EBF1: variants seen among roughly 807,000 people sequenced by gnomAD.
EBF1 encodes EBF transcription factor 1, also known as transcription factor COE1.
A neutral mutation model predicts 68.4 loss-of-function variants in EBF1; 10 were observed. That is an observed-to-expected ratio of 0.15 (90% CI 0.09 to 0.25). EBF1 has a LOEUF of 0.25. Ranked by LOEUF, EBF1 falls within the 10% of genes least tolerant of loss-of-function variation. The pLI is 1.00. For synonymous variants in EBF1, 298 were observed against 299.8 expected, an observed-to-expected ratio of 0.99 and a Z score of 0.06; for missense variants, 509 against 794.4, an observed-to-expected ratio of 0.64 and a Z score of 4.32.
chr5:158,953,346 G>A (rs571321643), intron 6 of EBF1, among the ~76,000 whole-genome samples: 8 of 152,154 alleles, frequency 5.3e-5, no homozygotes, highest in African/African-American at 1.2e-4. Context: ...ATGACAGGCC[G>A]CGATTTTGCA....
intron 6 of EBF1, among the ~76,000 whole-genome samples, chr5:158,944,913 G>A (rs1391181227): frequency 6.6e-6 from 1 of 152,156 alleles, no homozygotes; most frequent in African/African-American, 2.4e-5. Context: ...TTTTGATGGG[G>A]TTGTTGGTTT....
chr5:158,745,977 G>A (rs1367867844), intron 10 of EBF1, among the ~76,000 whole-genome samples: 6 of 152,156 alleles, frequency 3.9e-5, no homozygotes, highest in Non-Finnish European at 7.4e-5. Flanking sequence ...GAGAGGCTTA[G>A]CTAAAGTTAT....
intron 10 of EBF1, among the ~76,000 whole-genome samples, chr5:158,764,597 C>A (rs930870907): frequency 1.3e-5 from 2 of 152,168 alleles, no homozygotes; most frequent in African/African-American, 4.8e-5. Context: ...ACAGGCTACA[C>A]ACAAGGAAGC....
chr5:158,815,211 C>T (rs1176830404), intron 8 of EBF1, among the ~76,000 whole-genome samples: 1 of 152,160 alleles, frequency 6.6e-6, no homozygotes, highest in Non-Finnish European at 1.5e-5. Flanking sequence ...TTGGTTTTCT[C>T]CTCTTTACAA....
chr5:159,061,761 A>G (rs1013441622), intron 6 of EBF1, among the ~76,000 whole-genome samples: 18 of 151,970 alleles, frequency 1.2e-4, no homozygotes, highest in Admixed American at 9.8e-4. Context: ...AATCCTAAAT[A>G]AAATAGCCGC....
chr5:159,071,484 GT>G (rs1164208353), intron 6 of EBF1, among the ~76,000 whole-genome samples: 7 of 152,206 alleles, frequency 4.6e-5, no homozygotes, highest in Non-Finnish European at 1.0e-4. Flanking sequence ...AAGGTTTTAA[GT>G]ACCCTTCTGG....
At chr5:158,905,344 T>C (rs778321781) in intron 6 of EBF1, among the ~76,000 whole-genome samples, 6 of 152,178 alleles carry the variant, frequency 3.9e-5, no homozygotes, top group Non-Finnish European at 8.8e-5. Flanking sequence ...TTGAGGAATA[T>C]TGACCATTAT....
At chr5:158,938,958 AT>A (rs1812674009) in intron 6 of EBF1, among the ~76,000 whole-genome samples, 1 of 152,154 alleles carries the variant, frequency 6.6e-6, no homozygotes, top group Non-Finnish European at 1.5e-5. Flanking sequence ...GACATCCTGG[AT>A]TTAAGTATGG....
chr5:158,916,751 G>A (rs1006654980), intron 6 of EBF1, among the ~76,000 whole-genome samples: 1 of 152,140 alleles, frequency 6.6e-6, no homozygotes, highest in African/African-American at 2.4e-5. Context: ...TCATGCTATA[G>A]TTTCCCTCAC....
chr5:158,770,351 A>G (rs1365357583), intron 10 of EBF1, among the ~76,000 whole-genome samples: 1 of 152,074 alleles, frequency 6.6e-6, no homozygotes, highest in African/African-American at 2.4e-5. Context: ...TTCCCAGACT[A>G]CTGCAATGAC....
rs148508527 is a variant in EBF1 at position 158,823,304 on chromosome 5, G to A, written c.650C>T (p.Thr217Met). The A allele has an allele frequency of 2.1e-5, 34 of 1,612,662 alleles. No homozygotes were observed. Among genetic ancestry groups the A allele is most frequent in the Middle Eastern group, 1.6e-4 (1 of 6,070 alleles). ...GACATGGCCATCCACATTGACTGTCGTAGACACCACGACCTGGAGACATAA... is the reference window on the plus strand; with the variant it reads ...GACATGGCCATCCACATTGACTGTCATAGACACCACGACCTGGAGACATAA... ...DMRRFQVVVS[T>M]TVNVDGHVLA... Residue 217 changes from threonine (T) to methionine (M), a missense_variant, in exon 8 of 16, where the codon ACG becomes ATG. Physicochemically the swap from Thr to Met is moderately conservative, Grantham distance 81. Coordinates refer to ENST00000313708, the MANE Select transcript of EBF1 (RefSeq NM_024007.5).
intron 5 of EBF1, among the ~76,000 whole-genome samples, chr5:159,079,807 G>A (rs957162690): frequency 6.6e-6 from 1 of 151,794 alleles, no homozygotes; most frequent in South Asian, 2.1e-4. Flanking sequence ...TAGAGATGGG[G>A]TTTCACCATG....
chr5:159,045,806 T>C (rs928677269), intron 6 of EBF1, among the ~76,000 whole-genome samples: 10 of 152,154 alleles, frequency 6.6e-5, no homozygotes, highest in African/African-American at 2.4e-4. Context: ...CTTATCAAGA[T>C]TAGTCAAGAT....
intron 9 of EBF1, among the ~76,000 whole-genome samples, chr5:158,778,874 AT>A (rs1349601770): frequency 2.0e-5 from 3 of 152,190 alleles, no homozygotes; most frequent in Non-Finnish European, 2.9e-5. Flanking sequence ...ATGAAGAACT[AT>A]TTATCCCTGT....
intron 6 of EBF1, among the ~76,000 whole-genome samples, chr5:158,876,111 T>G (rs1163716102): frequency 6.6e-6 from 1 of 152,176 alleles, no homozygotes; most frequent in Non-Finnish European, 1.5e-5. Context: ...CATGGCATAT[T>G]CGGTATCACA....
chr5:159,038,928 T>C (rs536393156), intron 6 of EBF1, among the ~76,000 whole-genome samples: 2 of 152,302 alleles, frequency 1.3e-5, no homozygotes, highest in East Asian at 1.9e-4. Context: ...GGAGAGGCGA[T>C]TTCCTTCCAG....
chr5:158,699,985 G>A lies in EBF1; in HGVS notation c.1745-843C>T, dbSNP rs375814852. ...CCTGAGTCCCACCTCTGGCTTTTCT[G>A]CTGTGAAGCTCAGCTTCTGTAGCTA... is the stretch of plus-strand genomic sequence containing the variant. On this transcript the variant is annotated intron_variant, in intron 15 of 15. Coordinates refer to ENST00000313708, the MANE Select transcript of EBF1 (RefSeq NM_024007.5). Among the ~76,000 whole-genome samples the A allele has an allele frequency of 7.9e-5, 12 of 152,320 alleles. No homozygotes were observed. In the South Asian group the frequency reaches 2.5e-3, roughly 32 times the overall value.
In EBF1 at chr5:158,696,737, A is replaced by G. The variant is rs113076361; in HGVS notation, c.*2374T>C. On this transcript the variant is annotated 3_prime_UTR_variant, in exon 16 of 16. Transcript: ENST00000313708. ...TCCCCTCCCCCACCCACCCCAACCC[A>G]TAAAAATCGCACTCTTGACAGCCTA... The G allele has an allele frequency of 0.085, 1,211 of 14,178 alleles. 25 individuals carry two copies. The highest frequency in any genetic ancestry group is 0.3 in the African/African-American group (1,138 of 3,848). The allele number at this position is 14,178 out of a possible 1,614,324, so 0.9% of individuals were successfully genotyped here.
intron 4 of EBF1, 128 bp downstream of exon 4, chr5:159,095,492 G>A (rs1358682407): frequency 1.1e-5 from 11 of 1,025,874 alleles, no homozygotes; most frequent in Middle Eastern, 3.1e-4. Flanking sequence ...GTGCAAGTTT[G>A]GTCTGAGCCG....
Sources: gnomAD v4.1 joint callset for allele counts (sites outside exome capture counted in the v4.1 genomes callset) on GRCh38, gnomAD v4.1.1 for gene constraint, MANE v1.5 for transcripts, NCBI Gene and HGNC (gene_info 2026-07-23, HGNC 2026-07-21) for gene names.